The following CLSTN2 variants were observed in gnomAD, a reference collection of about 807,000 sequenced individuals.
CLSTN2 encodes the protein calsyntenin-2.
CLSTN2 carries 48 observed loss-of-function variants against 101.2 expected under a neutral mutation model. The observed-to-expected ratio is 0.47, with a 90% CI of 0.38 to 0.60. The LOEUF is 0.60. Among genes scored for constraint, CLSTN2 ranks in the 20% least tolerant of loss-of-function variants. The probability of loss-of-function intolerance (pLI) is 0.00; values close to 1 mark genes in which losing one functional copy is unlikely to be tolerated. For synonymous variants in CLSTN2, 481 were observed against 463.6 expected (o/e 1.04, Z -0.48); for missense variants, 1,160 against 1,238.2 (o/e 0.94, Z 0.95).
At chr3:140,460,671 A>G (rs958622675) in intron 7 of CLSTN2, among the ~76,000 whole-genome samples, 1 of 152,104 alleles carries the variant, frequency 6.6e-6, no homozygotes, top group African/African-American at 2.4e-5. Context: ...CTAAATCCAA[A>G]CCTATGCTCT....
At chr3:139,955,628 G>A (rs968800913) in intron 1 of CLSTN2, among the ~76,000 whole-genome samples, 1 of 152,300 alleles carries the variant, frequency 6.6e-6, no homozygotes, top group African/African-American at 2.4e-5. Flanking sequence ...AGTGCACAGG[G>A]ACTTCTGTGG....
intron 1 of CLSTN2, among the ~76,000 whole-genome samples, chr3:140,024,893 C>T (rs1317604983): frequency 1.3e-5 from 2 of 152,114 alleles, no homozygotes; most frequent in South Asian, 2.1e-4. Context: ...GTAGTTGTGG[C>T]TACTTTTGTT....
intron 2 of CLSTN2, among the ~76,000 whole-genome samples, chr3:140,343,591 C>G (rs2087512604): frequency 6.6e-6 from 1 of 152,220 alleles, no homozygotes; most frequent in African/African-American, 2.4e-5. Context: ...TATTTCTGAT[C>G]TCAGTGACTG....
At chr3:140,003,107 T>A (rs2006882302) in intron 1 of CLSTN2, among the ~76,000 whole-genome samples, 1 of 152,190 alleles carries the variant, frequency 6.6e-6, no homozygotes, top group Non-Finnish European at 1.5e-5. Flanking sequence ...AAGAATGTAA[T>A]TGGTATTTTG....
intron 2 of CLSTN2, among the ~76,000 whole-genome samples, chr3:140,262,998 A>G (rs2107884242): frequency 6.6e-6 from 1 of 152,196 alleles, no homozygotes; most frequent in Non-Finnish European, 1.5e-5. Context: ...TTTGAAGAAG[A>G]ACAAATGGTT....
intron 1 of CLSTN2, among the ~76,000 whole-genome samples, chr3:139,973,900 G>T (rs1043617467): frequency 6.6e-6 from 1 of 152,158 alleles, no homozygotes; most frequent in African/African-American, 2.4e-5. Context: ...GCCTCCCAAA[G>T]TATTGGGATT....
chr3:140,099,931 A>T (rs1330610749), intron 1 of CLSTN2, among the ~76,000 whole-genome samples: 1 of 152,196 alleles, frequency 6.6e-6, no homozygotes, highest in Admixed American at 6.5e-5. Context: ...ACATGCCCTC[A>T]TGACCTACTT....
chr3:140,225,049 C>G (rs1355244148), intron 2 of CLSTN2, among the ~76,000 whole-genome samples: 1 of 152,232 alleles, frequency 6.6e-6, no homozygotes, highest in Non-Finnish European at 1.5e-5. Context: ...CCAGGTTGCA[C>G]TATGTGTGAA....
At chr3:139,963,149 G>T (rs748002735) in intron 1 of CLSTN2, among the ~76,000 whole-genome samples, 5 of 152,060 alleles carry the variant, frequency 3.3e-5, no homozygotes, top group Non-Finnish European at 7.4e-5. Context: ...TAGGAACTCA[G>T]CTTGGAGTGA....
At chr3:140,312,900 T>C (rs1184420693) in intron 2 of CLSTN2, among the ~76,000 whole-genome samples, 2 of 152,256 alleles carry the variant, frequency 1.3e-5, no homozygotes, top group Non-Finnish European at 2.9e-5. Context: ...GAGTATTTGT[T>C]AGCTTGTCTG....
intron 2 of CLSTN2, among the ~76,000 whole-genome samples, chr3:140,402,911 CTCTA>C (rs1406365264): frequency 6.6e-6 from 1 of 152,020 alleles, no homozygotes; most frequent in African/African-American, 2.4e-5. Flanking sequence ...AAACTCTTTT[CTCTA>C]ATAAGTCTGT....
At chr3:140,353,697 C>T (rs1328669758) in intron 2 of CLSTN2, among the ~76,000 whole-genome samples, 1 of 152,164 alleles carries the variant, frequency 6.6e-6, no homozygotes, top group Non-Finnish European at 1.5e-5. Flanking sequence ...TTGTATCTAC[C>T]TCTCATAGCA....
intron 1 of CLSTN2, among the ~76,000 whole-genome samples, chr3:140,109,119 A>G (rs1216563659): frequency 6.6e-6 from 1 of 152,192 alleles, no homozygotes; most frequent in African/African-American, 2.4e-5. Context: ...AATTCTGGGC[A>G]TGTGAGTCTT....
chr3:140,188,782 T>A (rs2010517091), intron 2 of CLSTN2, among the ~76,000 whole-genome samples: 2 of 152,224 alleles, frequency 1.3e-5, no homozygotes, highest in Non-Finnish European at 2.9e-5. Flanking sequence ...ATTATGTGTA[T>A]ACCTTACTCA....
intron 1 of CLSTN2, among the ~76,000 whole-genome samples, chr3:140,154,232 A>G (rs185219198): frequency 6.6e-6 from 1 of 152,290 alleles, no homozygotes; most frequent in African/African-American, 2.4e-5. Context: ...GTGAATGATA[A>G]TAAGGAGCCA....
intron 2 of CLSTN2, among the ~76,000 whole-genome samples, chr3:140,189,297 A>G (rs1276963418): frequency 6.6e-6 from 1 of 152,216 alleles, no homozygotes; most frequent in Non-Finnish European, 1.5e-5. Context: ...GTCATATAGT[A>G]GTTGCCTGTT....
At chr3:139,938,866 A>G (rs939202009) in intron 1 of CLSTN2, among the ~76,000 whole-genome samples, 33 of 152,194 alleles carry the variant, frequency 2.2e-4, no homozygotes, top group Admixed American at 1.9e-3. Flanking sequence ...TTGTGTGCTA[A>G]GAGCCTTGCT....
At chr3:140,261,606 A>G (rs1031137538) in intron 2 of CLSTN2, among the ~76,000 whole-genome samples, 7 of 151,286 alleles carry the variant, frequency 4.6e-5, no homozygotes, top group Non-Finnish European at 1.5e-5. Context: ...ACTTGCTGCT[A>G]CTAGGGAATC....
At chr3:140,234,853 C>T (rs2086402874) in intron 2 of CLSTN2, among the ~76,000 whole-genome samples, 2 of 152,118 alleles carry the variant, frequency 1.3e-5, no homozygotes, top group South Asian at 2.1e-4. Flanking sequence ...CTCTCCCAAG[C>T]TTATATTTTC....
Sources: allele counts gnomAD v4.1 joint callset (sites outside exome capture counted in the v4.1 genomes callset), GRCh38; gene constraint gnomAD v4.1.1; transcripts MANE v1.5; gene names NCBI Gene and HGNC (gene_info 2026-07-23, HGNC 2026-07-21).